Variants in TENM3 observed in about 807,000 individuals in gnomAD.
TENM3 encodes the protein teneurin transmembrane protein 3.
In TENM3, 63 loss-of-function variants were observed where a neutral mutation model predicts 255.1. The ratio of observed to expected loss-of-function variants is 0.25; its 90% CI spans 0.20 to 0.30. The LOEUF is 0.30. Ranked by LOEUF, TENM3 falls within the 10% of genes least tolerant of loss-of-function variation. The pLI, the probability that TENM3 is intolerant of heterozygous loss-of-function variation, is 1.00. For synonymous variants in TENM3, 1,306 were observed against 1,322.3 expected, an observed-to-expected ratio of 0.99 and a Z score of 0.27; for missense variants, 2,929 against 3,461.1, an observed-to-expected ratio of 0.85 and a Z score of 3.86.
At chr4:181,461,002 G>T in the TENM3 span, among the ~76,000 whole-genome samples, 2 of 151,852 alleles carry the variant, frequency 1.3e-5, no homozygotes, top group East Asian at 3.9e-4. Context: ...CTGACTTTAT[G>T]ATTTTCCTCT....
At chr4:181,672,678 T>C in the TENM3 span, among the ~76,000 whole-genome samples, 1 of 152,228 alleles carries the variant, frequency 6.6e-6, no homozygotes, top group African/African-American at 2.4e-5. Context: ...ATTTTATTTC[T>C]GTAACAGTTT....
At chr4:182,677,876 T>C (rs1337006042) in intron 7 of TENM3, among the ~76,000 whole-genome samples, 1 of 152,186 alleles carries the variant, frequency 6.6e-6, no homozygotes, top group Non-Finnish European at 1.5e-5. Context: ...GCAATATATT[T>C]AACTGTGATT....
At chr4:182,266,188 T>G (rs1405647622) in intron 1 of TENM3, among the ~76,000 whole-genome samples, 1 of 152,218 alleles carries the variant, frequency 6.6e-6, no homozygotes, top group African/African-American at 2.4e-5. Flanking sequence ...TCACCAAAAA[T>G]AGAAGTTGCT....
the TENM3 span, among the ~76,000 whole-genome samples, chr4:181,542,477 T>C: frequency 4.5e-4 from 69 of 152,312 alleles, no homozygotes; most frequent in African/African-American, 1.5e-3. Flanking sequence ...GAATGAATTG[T>C]AGGAGAAGTA....
the TENM3 span, among the ~76,000 whole-genome samples, chr4:181,760,960 C>G: frequency 1.3e-5 from 1 of 79,666 alleles, no homozygotes; most frequent in Non-Finnish European, 2.3e-5. Context: ...ATCTCCCCCA[C>G]CACACACATA....
At chr4:182,594,656 C>T (rs1747005849) in intron 3 of TENM3, among the ~76,000 whole-genome samples, 1 of 150,648 alleles carries the variant, frequency 6.6e-6, no homozygotes. Flanking sequence ...ATGTTCTGCC[C>T]TTTATTTCTT....
chr4:182,540,471 C>T (rs901255638), intron 3 of TENM3, among the ~76,000 whole-genome samples: 2 of 152,082 alleles, frequency 1.3e-5, no homozygotes, highest in African/African-American at 4.8e-5. Flanking sequence ...TGCCTGTAAC[C>T]CCAGCTACGG....
chr4:182,766,833 C>G (rs2152780088), intron 22 of TENM3, among the ~76,000 whole-genome samples: 1 of 152,248 alleles, frequency 6.6e-6, no homozygotes, highest in East Asian at 1.9e-4. Flanking sequence ...ATCAGCAAGA[C>G]CTCCTAATTA....
chr4:182,527,550 C>T (rs2151821601), intron 3 of TENM3, among the ~76,000 whole-genome samples: 1 of 151,472 alleles, frequency 6.6e-6, no homozygotes, highest in Non-Finnish European at 1.5e-5. Flanking sequence ...GCATTTTACC[C>T]TGTGTAAGAT....
chr4:182,308,581 C>T (rs1249575560), intron 1 of TENM3, among the ~76,000 whole-genome samples: 1 of 152,122 alleles, frequency 6.6e-6, no homozygotes. Context: ...CTCAAGTGAT[C>T]CTCCTGCCTC....
chr4:182,754,901 G>A lies in TENM3; in HGVS notation c.4534G>A (p.Glu1512Lys). Residue 1512 changes from glutamate (E) to lysine (K), a missense_variant, in exon 22 of 28, where the codon GAA becomes AAA. Transcript: ENST00000511685. This position sits in a 1 kb window ranked among gnomAD's most constrained non-coding sequence, Gnocchi z 5.1. ...KPLLNSMNFY[E>K]VASPTDQELY... ...TTTACTTAACTCTATGAACTTCTATGAAGTTGCGTCTCCAACTGATCAAGA... is the reference window on the plus strand; with the variant it reads ...TTTACTTAACTCTATGAACTTCTATAAAGTTGCGTCTCCAACTGATCAAGA... 6.2e-7 allele frequency: 1 copy of A among 1,614,044 alleles called. No homozygotes were observed. The highest frequency in any genetic ancestry group is 1.1e-5 in the South Asian group (1 of 91,092).
intron 1 of TENM3, among the ~76,000 whole-genome samples, chr4:182,275,436 G>A (rs544271705): frequency 7.2e-5 from 11 of 152,224 alleles, no homozygotes; most frequent in South Asian, 4.1e-4. Flanking sequence ...ACATTACTTG[G>A]CTTTCTCAAC....
chr4:181,794,981 C>T, the TENM3 span, among the ~76,000 whole-genome samples: 1 of 152,090 alleles, frequency 6.6e-6, no homozygotes, highest in South Asian at 2.1e-4. Flanking sequence ...CAAGGTAATT[C>T]GGATTGGGAA....
chr4:181,836,388 A>G, the TENM3 span, among the ~76,000 whole-genome samples: 1 of 152,188 alleles, frequency 6.6e-6, no homozygotes, highest in East Asian at 1.9e-4. Flanking sequence ...AATGCATCAC[A>G]GCATTTAAAC....
chr4:182,478,432 T>C (rs1733884967), intron 3 of TENM3, among the ~76,000 whole-genome samples: 1 of 151,944 alleles, frequency 6.6e-6, no homozygotes, highest in African/African-American at 2.4e-5. Context: ...GGAAAAAAAT[T>C]TGAGTTTCAT....
At chr4:181,646,456 G>A in the TENM3 span, among the ~76,000 whole-genome samples, 1 of 152,072 alleles carries the variant, frequency 6.6e-6, no homozygotes, top group African/African-American at 2.4e-5. Flanking sequence ...AGAGGGAAAT[G>A]GAAGCAGCCA....
intron 3 of TENM3, among the ~76,000 whole-genome samples, chr4:182,547,160 G>A (rs1286911485): frequency 6.6e-6 from 1 of 152,106 alleles, no homozygotes; most frequent in Admixed American, 6.5e-5. Context: ...CAGAGGCATG[G>A]TACAAGCGTT....
At chr4:182,076,164 A>T in the TENM3 span, among the ~76,000 whole-genome samples, 1 of 150,072 alleles carries the variant, frequency 6.7e-6, no homozygotes, top group Non-Finnish European at 1.5e-5. Context: ...AAGTGCTGGG[A>T]TTATAGGCAT....
chr4:182,776,520 A>G (rs1289530392), intron 24 of TENM3, among the ~76,000 whole-genome samples: 1 of 152,200 alleles, frequency 6.6e-6, no homozygotes, highest in East Asian at 1.9e-4. Flanking sequence ...CTTGCTGGAT[A>G]GTAAAATTTC....
Sources: allele counts gnomAD v4.1 joint callset (sites outside exome capture counted in the v4.1 genomes callset), GRCh38; gene constraint gnomAD v4.1.1; non-coding constraint Gnocchi (gnomAD v3.1); transcripts MANE v1.5; gene names NCBI Gene and HGNC (gene_info 2026-07-23, HGNC 2026-07-21).